UBR4: variants seen among roughly 807,000 people sequenced by gnomAD.
UBR4 encodes the protein ubiquitin protein ligase E3 component n-recognin 4, also known as E3 ubiquitin-protein ligase UBR4.
In UBR4, 124 loss-of-function variants were observed where a neutral mutation model predicts 575.6. The observed-to-expected ratio is 0.22, with a 90% CI of 0.19 to 0.25. The LOEUF (loss-of-function observed/expected upper bound fraction) is 0.25. UBR4 is among the 10% of genes least tolerant of loss of function. The pLI, the probability that UBR4 is intolerant of heterozygous loss-of-function variation, is 1.00. For missense variants in UBR4, 4,818 were observed against 6,478.8 expected (o/e 0.74, Z 8.80); for synonymous variants, 2,455 against 2,473.7 (o/e 0.99, Z 0.22).
chr1:19,196,019 A>ACACACACACACACACAC (rs1558002993), intron 8 of UBR4, among the ~76,000 whole-genome samples: 1 of 93,806 alleles, frequency 1.1e-5, no homozygotes, highest in African/African-American at 4.7e-5. Flanking sequence ...CACACACACA[A>ACACACACACACACACAC]ACTTACGTAG....
intron 8 of UBR4, among the ~76,000 whole-genome samples, chr1:19,195,021 G>A (rs1340490071): frequency 6.6e-6 from 1 of 151,496 alleles, no homozygotes; most frequent in African/African-American, 2.4e-5. Context: ...AGCACTTTAG[G>A]AGGCCAAGGC....
chr1:19,169,682 C>T (rs2089191578), intron 26 of UBR4, 150 bp from the exon 27 acceptor site: 2 of 583,970 alleles, frequency 3.4e-6, no homozygotes, highest in Non-Finnish European at 3.0e-6. Context: ...ATTTCAATAG[C>T]AGTACTATGT....
At chr1:19,184,334 A>C (rs2091315840) in intron 15 of UBR4, among the ~76,000 whole-genome samples, 159 bp from the exon 16 acceptor site, 1 of 152,220 alleles carries the variant, frequency 6.6e-6, no homozygotes, top group Non-Finnish European at 1.5e-5. Flanking sequence ...AGTGGGCCTA[A>C]GTTTCATTAT....
chr1:19,196,061 T>C (rs1375501762), intron 8 of UBR4, among the ~76,000 whole-genome samples: 3 of 151,876 alleles, frequency 2.0e-5, no homozygotes, highest in Non-Finnish European at 2.9e-5. Context: ...ATACGTTTTG[T>C]CTGCTTCTGC....
At chr1:19,143,310 GA>G (rs2084346121) in intron 55 of UBR4, among the ~76,000 whole-genome samples, 2 of 129,742 alleles carry the variant, frequency 1.5e-5, no homozygotes, top group South Asian at 2.3e-4. Flanking sequence ...AAGAAAGAAA[GA>G]AAGAAAGAAA....
At chr1:19,186,711 G>T (rs565283981) in intron 13 of UBR4, 54 bp from the exon 14 acceptor site, 1 of 1,534,736 alleles carries the variant, frequency 6.5e-7, no homozygotes, top group Non-Finnish European at 9.0e-7. Context: ...CTCATGCATC[G>T]CATGAAAACT....
intron 103 of UBR4, chr1:19,079,314 C>T (rs1245900026): frequency 1.3e-5 from 2 of 152,128 alleles, no homozygotes; most frequent in East Asian, 3.9e-4. Context: ...CTGTGGCCTC[C>T]CTCTGCCCCA....
rs35802543 is a variant in UBR4, at chr1:19,121,325, T to G, written c.10005A>C (p.Ala3335=). 1 of 1,614,148 alleles carries G rather than the reference T, an allele frequency of 6.2e-7. No individual in the cohort carries two copies. The highest frequency in any genetic ancestry group is 8.5e-7 in the Non-Finnish European group (1 of 1,180,000). The change falls in exon 68 of 106, where the codon GCA becomes GCC. Residue 3335 remains alanine (A), a synonymous_variant. Coordinates refer to ENST00000375254, the MANE Select transcript of UBR4 (RefSeq NM_020765.3). Reference sequence around the variant, plus strand: ...TGGAGGATCCCGAAGAGGCTGCCAGTGCAGCGAGCACCTTGCTGCCGCACA... The same window carrying G: ...TGGAGGATCCCGAAGAGGCTGCCAGGGCAGCGAGCACCTTGCTGCCGCACA... ...CALCGSKVLA[A]LAASSGSSSA...
chr1:19,138,690 CA>C (rs1227055714), intron 59 of UBR4, among the ~76,000 whole-genome samples: 1 of 151,992 alleles, frequency 6.6e-6, no homozygotes, highest in African/African-American at 2.4e-5. Context: ...AACCCTTCCC[CA>C]AATAAATGAG....
At chr1:19,156,732 G>A (rs1362410029) in intron 41 of UBR4, 35 bp downstream of exon 41, 1 of 1,605,144 alleles carries the variant, frequency 6.2e-7, no homozygotes, top group Non-Finnish European at 8.5e-7. Flanking sequence ...AGAATCCACA[G>A]CTCAAGGCAA....
intron 17 of UBR4, among the ~76,000 whole-genome samples, chr1:19,181,217 G>A (rs1338150407): frequency 2.6e-5 from 4 of 151,902 alleles, no homozygotes; most frequent in African/African-American, 7.3e-5. Context: ...TCAGGAAGAC[G>A]GACGGATGGA....
intron 69 of UBR4, 23 bp from the exon 70 acceptor site, chr1:19,119,724 G>A: frequency 6.3e-7 from 1 of 1,589,516 alleles, no homozygotes. Context: ...GACAGCTCAT[G>A]TTACCAAGCA....
chr1:19,119,568 T>C lies in UBR4; in HGVS notation c.10444A>G (p.Thr3482Ala), dbSNP rs2080954125. The change falls in exon 70 of 106, where the codon ACA (threonine) becomes GCA (alanine). Residue 3482 changes from threonine to alanine, a missense_variant. Physicochemically the swap from Thr to Ala is moderately conservative, Grantham distance 58. Coordinates refer to ENST00000375254, the MANE Select transcript of UBR4 (RefSeq NM_020765.3). ...LGYFSLKTPQ[T>A]EKKLKEYSQK... ...AAAGCAACTGTTACCTTCTTCTCTG[T>C]TTGTGGAGTTTTCAGGGAGAAATAT... 6.2e-7 allele frequency: 1 copy of C among 1,613,244 alleles called. No individual in the cohort carries two copies. Among genetic ancestry groups the C allele is most frequent in the African/African-American group, 1.3e-5 (1 of 74,934 alleles).
intron 3 of UBR4, 61 bp from the exon 4 acceptor site, chr1:19,198,989 C>G: frequency 6.4e-7 from 1 of 1,569,746 alleles, no homozygotes; most frequent in Non-Finnish European, 8.6e-7. Context: ...TCAGAAAATT[C>G]TACTCTTTTG....
At chr1:19,096,043 G>T in intron 92 of UBR4, 1 of 226,204 alleles carries the variant, frequency 4.4e-6, no homozygotes, top group East Asian at 1.2e-4. Context: ...TTAAAACAAA[G>T]GCACAATAAT....
In UBR4 at chr1:19,198,002, A is replaced by G. The variant is rs747394837; in HGVS notation, c.696T>C (p.Ala232=). 2 of 1,614,166 alleles carry G rather than the reference A, an allele frequency of 1.2e-6. No individual in the cohort carries two copies. Among genetic ancestry groups the G allele is most frequent in the Non-Finnish European group, 1.7e-6 (2 of 1,180,042 alleles). ...CTATGAACACATTCTTGGTTTTGAT[A>G]GCTGAGGCTTGATCTGTAGATGACT... is the stretch of plus-strand genomic sequence containing the variant. ...DEQSSTDQAS[A]IKTKNVFIAQ... is the part of the protein sequence containing the mutation. The change falls in exon 6 of 106, where the codon GCT becomes GCC. Residue 232 remains alanine (A), a synonymous_variant. Transcript: ENST00000375254.
At chr1:19,138,369 C>T (rs1343019549) in intron 59 of UBR4, among the ~76,000 whole-genome samples, 188 bp from the exon 60 acceptor site, 1 of 152,170 alleles carries the variant, frequency 6.6e-6, no homozygotes, top group Non-Finnish European at 1.5e-5. Flanking sequence ...CTCACAGTAG[C>T]CATTCACCCT....
intron 20 of UBR4, among the ~76,000 whole-genome samples, chr1:19,176,230 G>C (rs1381862687): frequency 6.6e-6 from 1 of 152,094 alleles, no homozygotes; most frequent in Non-Finnish European, 1.5e-5. Flanking sequence ...TGGGATTACA[G>C]GTAGGCACCA....
chr1:19,176,833 G>A (rs1298563071), intron 19 of UBR4, 106 bp from the exon 20 acceptor site: 1 of 1,277,912 alleles, frequency 7.8e-7, no homozygotes, highest in Non-Finnish European at 1.1e-6. Context: ...TAATCTGAAT[G>A]TGGGTGTTCT....
Sources: gnomAD v4.1 joint callset for allele counts (sites outside exome capture counted in the v4.1 genomes callset) on GRCh38, gnomAD v4.1.1 for gene constraint, MANE v1.5 for transcripts, NCBI Gene and HGNC (gene_info 2026-07-23, HGNC 2026-07-21) for gene names.